DAPK1: variants seen among roughly 807,000 people sequenced by gnomAD.
The protein encoded by DAPK1 is death-associated protein kinase 1.
DAPK1 carries 56 observed loss-of-function variants against 144.9 expected under a neutral mutation model. The observed-to-expected ratio is 0.39, with a 90% CI of 0.31 to 0.48. DAPK1 has a LOEUF of 0.48. DAPK1 is among the 20% of genes least tolerant of loss of function. The pLI, the probability that DAPK1 is intolerant of heterozygous loss-of-function variation, is 0.95. For missense variants in DAPK1, 1,454 were observed against 1,875.4 expected, an observed-to-expected ratio of 0.78 and a Z score of 4.15; for synonymous variants, 690 against 749.0, an observed-to-expected ratio of 0.92 and a Z score of 1.29.
At chr9:87,682,649 C>T (rs1824680871) in intron 20 of DAPK1, among the ~76,000 whole-genome samples, 1 of 152,110 alleles carries the variant, frequency 6.6e-6, no homozygotes, top group Non-Finnish European at 1.5e-5. Flanking sequence ...AAAGAATAAC[C>T]AAAACAGAGT....
intron 2 of DAPK1, 134 bp from the exon 3 acceptor site, chr9:87,604,820 C>A: frequency 2.9e-6 from 2 of 689,506 alleles, no homozygotes; most frequent in South Asian, 1.9e-5. Context: ...AACATCCCTA[C>A]CTAATTTGTT....
chr9:87,605,496 G>A (rs1370639169), intron 3 of DAPK1, among the ~76,000 whole-genome samples: 2 of 151,988 alleles, frequency 1.3e-5, no homozygotes, highest in Non-Finnish European at 2.9e-5. Context: ...TAAGCTTCAA[G>A]CATATGTCCT....
At chr9:87,678,858 C>T (rs531115683) in intron 19 of DAPK1, among the ~76,000 whole-genome samples, 1 of 152,280 alleles carries the variant, frequency 6.6e-6, no homozygotes, top group East Asian at 1.9e-4. Context: ...ACAGTGCCCA[C>T]CAGGGGTCAG....
chr9:87,498,601 G>C (rs1419390137), intron 1 of DAPK1: 2 of 294,392 alleles, frequency 6.8e-6, no homozygotes, highest in Admixed American at 4.9e-5. Flanking sequence ...CGTACCGTCT[G>C]GGCGAGGGCT....
intron 3 of DAPK1, among the ~76,000 whole-genome samples, chr9:87,627,456 C>T (rs1024309341): frequency 4.6e-5 from 7 of 152,098 alleles, no homozygotes; most frequent in Non-Finnish European, 8.8e-5. Context: ...ATGGCCAACA[C>T]CTCCTCCCTG....
At position 87,624,935 on chromosome 9, in the gene DAPK1, C is replaced by T. The variant is rs36209411; in HGVS notation, c.285-13008C>T. ...TGTGGGAGGGTGACTGTGCAGGCCA[C>T]AGCGTGGTTGGCGTTCTGTGACCTC... On this transcript the variant is annotated intron_variant, in intron 3 of 25. Transcript: ENST00000408954. 2.1e-3 allele frequency among the ~76,000 whole-genome samples: 327 copies of T among 152,336 alleles called. 4 individuals carry two copies. Among genetic ancestry groups the T allele is most frequent in the African/African-American group, 7.4e-3 (308 of 41,582 alleles).
At chr9:87,699,966 C>T (rs1825402641) in intron 23 of DAPK1, 151 bp from the exon 24 acceptor site, 2 of 639,508 alleles carry the variant, frequency 3.1e-6, no homozygotes, top group Non-Finnish European at 5.5e-6. Context: ...GCAGAGCCCA[C>T]CAACAGCAGG....
chr9:87,595,375 A>C (rs1828277047), intron 2 of DAPK1, among the ~76,000 whole-genome samples: 1 of 152,138 alleles, frequency 6.6e-6, no homozygotes, highest in African/African-American at 2.4e-5. Flanking sequence ...TGAGCTCCAG[A>C]GACCCACTTT....
intron 17 of DAPK1, chr9:87,657,818 A>AT: frequency 1.8e-6 from 1 of 569,456 alleles, no homozygotes; most frequent in Non-Finnish European, 3.2e-6. Flanking sequence ...TTGAAGTTGT[A>AT]TTTTGAAGCT....
intron 11 of DAPK1, among the ~76,000 whole-genome samples, chr9:87,644,417 G>T (rs901758380): frequency 1.3e-5 from 2 of 152,042 alleles, no homozygotes; most frequent in South Asian, 2.1e-4. Context: ...GCATTTTCCC[G>T]GTGGAGCCAA....
At chr9:87,652,397 C>T (rs1239688858) in intron 17 of DAPK1, among the ~76,000 whole-genome samples, 2 of 52,804 alleles carry the variant, frequency 3.8e-5, no homozygotes, top group African/African-American at 1.6e-4. Context: ...CTGTGTCCTC[C>T]CACCTGATCC....
At chr9:87,691,075 T>G (rs557770285) in intron 21 of DAPK1, among the ~76,000 whole-genome samples, 36 of 152,130 alleles carry the variant, frequency 2.4e-4, no homozygotes, top group African/African-American at 8.7e-4. Flanking sequence ...CCCCTTCAGT[T>G]TTTTTTGGAA....
At chr9:87,651,228 C>G (rs1352289842) in intron 16 of DAPK1, among the ~76,000 whole-genome samples, 1 of 152,162 alleles carries the variant, frequency 6.6e-6, no homozygotes, top group Non-Finnish European at 1.5e-5. Context: ...TTAAAGAGGC[C>G]ATTGGAGTAT....
At chr9:87,644,158 T>A (rs1202165226) in intron 11 of DAPK1, among the ~76,000 whole-genome samples, 1 of 152,246 alleles carries the variant, frequency 6.6e-6, no homozygotes, top group Non-Finnish European at 1.5e-5. Context: ...TTATTTTTCC[T>A]TTGTAATTAG....
At chr9:87,564,683 A>G (rs560496013) in intron 2 of DAPK1, among the ~76,000 whole-genome samples, 5 of 152,126 alleles carry the variant, frequency 3.3e-5, no homozygotes, top group African/African-American at 1.2e-4. Context: ...AGAGAGAGAG[A>G]TGAAGCAAGG....
rs36230220 is a variant in DAPK1 at position 87,526,687 on chromosome 9, C to T, written c.62+27548C>T. Among the ~76,000 whole-genome samples the T allele has an allele frequency of 7.6e-3, 1,152 of 152,172 alleles. 11 individuals carry two copies. The highest frequency in any genetic ancestry group is 0.025 in the African/African-American group (1,035 of 41,498). On this transcript the variant is annotated intron_variant, in intron 2 of 25. Transcript: ENST00000408954. ...TTTGAGGGCAAAGGTTTTTGGGCAG[C>T]GTCCCCCAAGTCATCCTGTATAATT...
intron 2 of DAPK1, among the ~76,000 whole-genome samples, chr9:87,514,067 G>T (rs73654305): frequency 2.0e-5 from 3 of 152,120 alleles, no homozygotes; most frequent in Non-Finnish European, 4.4e-5. Flanking sequence ...GTGAGGGGGC[G>T]CAAAATTCCC....
At chr9:87,583,655 T>C (rs1391747050) in intron 2 of DAPK1, among the ~76,000 whole-genome samples, 1 of 152,138 alleles carries the variant, frequency 6.6e-6, no homozygotes, top group African/African-American at 2.4e-5. Context: ...ACCGTGGAGT[T>C]CCTTGACCTC....
chr9:87,680,271 A>AT (rs1485668881), intron 19 of DAPK1, among the ~76,000 whole-genome samples: 2 of 151,758 alleles, frequency 1.3e-5, no homozygotes, highest in Non-Finnish European at 2.9e-5. Context: ...CGCCCGGCTA[A>AT]TTTTTTGTAT....
Sources: gnomAD v4.1 joint callset for allele counts (sites outside exome capture counted in the v4.1 genomes callset) on GRCh38, gnomAD v4.1.1 for gene constraint, MANE v1.5 for transcripts, NCBI Gene and HGNC (gene_info 2026-07-23, HGNC 2026-07-21) for gene names.